CDKAL1: variants seen among roughly 807,000 people sequenced by gnomAD.
CDKAL1 encodes the protein threonylcarbamoyladenosine tRNA methylthiotransferase.
A neutral mutation model predicts 68.2 loss-of-function variants in CDKAL1; 32 were observed. That is an observed-to-expected ratio of 0.47 (90% CI 0.35 to 0.63). The LOEUF (loss-of-function observed/expected upper bound fraction) is 0.63, where lower values mean the gene tolerates loss of function less well. Ranked by LOEUF, CDKAL1 falls within the 30% of genes least tolerant of loss-of-function variation. CDKAL1 has a pLI of 0.00. For missense variants in CDKAL1, 606 were observed against 696.7 expected (o/e 0.87, Z 1.47); for synonymous variants, 234 against 244.3 (o/e 0.96, Z 0.39).
intron 5 of CDKAL1, among the ~76,000 whole-genome samples, chr6:20,725,575 A>G (rs1228772704): frequency 1.3e-5 from 2 of 152,022 alleles, no homozygotes; most frequent in East Asian, 1.9e-4. Context: ...ACCTGAGGTC[A>G]GGAGTTCAAG....
chr6:20,755,583 A>G (rs1156939449), intron 6 of CDKAL1, among the ~76,000 whole-genome samples: 1 of 152,100 alleles, frequency 6.6e-6, no homozygotes, highest in East Asian at 1.9e-4. Context: ...TTTTCTTTCT[A>G]GTCCATTCCA....
rs1463991684 is a variant in CDKAL1 at position 21,072,585 on chromosome 6, G to T, written c.1236+7357G>T. ...AAAAAAAAAAAAAAAAAAAAAGCCT[G>T]TTTTTGTCTTGTCTTTTATCTTCTA... On this transcript the variant is annotated intron_variant, in intron 12 of 15. Transcript: ENST00000274695. Among the ~76,000 whole-genome samples the T allele has an allele frequency of 1.0e-3, 109 of 109,328 alleles. 1 individual carries two copies. The highest frequency in any genetic ancestry group is 5.6e-3 in the Middle Eastern group (1 of 178). The allele number at this position is 109,328 out of a possible 152,430, so 71.7% of individuals were successfully genotyped here. A position where few individuals can be genotyped will look rare whatever the true frequency, so the allele number is the denominator to read the frequency against.
At chr6:20,817,095 T>G (rs755412839) in intron 8 of CDKAL1, among the ~76,000 whole-genome samples, 10 of 152,136 alleles carry the variant, frequency 6.6e-5, no homozygotes, top group Non-Finnish European at 1.2e-4. Context: ...ATTAAAACCA[T>G]GTTAAATACT....
intron 13 of CDKAL1, among the ~76,000 whole-genome samples, chr6:21,195,472 GTTT>G (rs199522083): frequency 2.9e-5 from 4 of 135,654 alleles, no homozygotes; most frequent in Non-Finnish European, 6.4e-5. Context: ...CTCTGGAGAT[GTTT>G]TTTTTATTTA....
rs147335153 is a variant in CDKAL1 at position 20,995,361 on chromosome 6, C to T, written c.910-4866C>T. ...GGCTTTTAATTTACTTTACCTAGAT[C>T]CACCAGAGGAATCACTATGGCAGTT... On this transcript the variant is annotated intron_variant, in intron 10 of 15. Transcript: ENST00000274695. Among the ~76,000 whole-genome samples, 1,271 of 152,268 alleles carry T rather than the reference C, an allele frequency of 8.3e-3. 6 individuals are homozygous for T. Among genetic ancestry groups the T allele is most frequent in the South Asian group, 0.012 (58 of 4,820 alleles).
chr6:21,081,300 A>G (rs1300762840), intron 12 of CDKAL1, among the ~76,000 whole-genome samples: 2 of 152,230 alleles, frequency 1.3e-5, no homozygotes, highest in Non-Finnish European at 2.9e-5. Flanking sequence ...ATATTAAATA[A>G]GGAGAATATA....
intron 4 of CDKAL1, among the ~76,000 whole-genome samples, chr6:20,559,826 A>C (rs1425760427): frequency 6.6e-6 from 1 of 152,222 alleles, no homozygotes; most frequent in African/African-American, 2.4e-5. Flanking sequence ...ATTGCTTAAT[A>C]ATTCACATCA....
intron 10 of CDKAL1, among the ~76,000 whole-genome samples, chr6:20,961,718 G>A (rs1215102942): frequency 1.1e-4 from 16 of 150,300 alleles, no homozygotes. Flanking sequence ...AGTGAGCTGA[G>A]ATCGCACCAC....
chr6:21,053,390 T>C (rs1770647969), intron 11 of CDKAL1, among the ~76,000 whole-genome samples: 1 of 152,242 alleles, frequency 6.6e-6, no homozygotes, highest in Admixed American at 6.5e-5. Flanking sequence ...TTTGGACTGT[T>C]ACCAGTTTGG....
chr6:20,577,996 A>G (rs2127685893), intron 4 of CDKAL1, among the ~76,000 whole-genome samples: 1 of 152,288 alleles, frequency 6.6e-6, no homozygotes, highest in Non-Finnish European at 1.5e-5. Context: ...AGGTGTAGTT[A>G]CAATAAAAAG....
At chr6:20,588,521 A>G (rs1329808217) in intron 4 of CDKAL1, among the ~76,000 whole-genome samples, 1 of 152,254 alleles carries the variant, frequency 6.6e-6, no homozygotes, top group African/African-American at 2.4e-5. Flanking sequence ...GCAGTCAAGA[A>G]TAAGGCATCT....
chr6:21,065,835 C>T (rs1165566645), intron 12 of CDKAL1, among the ~76,000 whole-genome samples: 1 of 151,804 alleles, frequency 6.6e-6, no homozygotes, highest in African/African-American at 2.4e-5. Flanking sequence ...AATTAAGGGT[C>T]TCAAAACAAA....
intron 8 of CDKAL1, among the ~76,000 whole-genome samples, chr6:20,829,943 G>A (rs759874437): frequency 6.6e-6 from 1 of 152,130 alleles, no homozygotes; most frequent in South Asian, 2.1e-4. Context: ...TGTAACCTCC[G>A]CCTCCTGGGT....
intron 9 of CDKAL1, among the ~76,000 whole-genome samples, chr6:20,879,634 G>A (rs1246849278): frequency 6.6e-6 from 1 of 152,174 alleles, no homozygotes; most frequent in Non-Finnish European, 1.5e-5. Context: ...TTTGTCACTT[G>A]ATATTGGCAA....
chr6:21,037,115 A>G (rs1350285230), intron 11 of CDKAL1, among the ~76,000 whole-genome samples: 1 of 152,140 alleles, frequency 6.6e-6, no homozygotes, highest in Non-Finnish European at 1.5e-5. Context: ...AAAATCTAAA[A>G]CGGAAACCCA....
Position 20,810,408 on chromosome 6 carries a change from A to ATGT in CDKAL1, c.638+29143_638+29144insTGT, listed in dbSNP as rs1561796333. ...CTCTCTCTGTCACACACACACACAC[A>ATGT]CACACACACACACACACACACACAC... On this transcript the variant is annotated intron_variant, in intron 8 of 15. Coordinates refer to ENST00000274695, the MANE Select transcript of CDKAL1 (RefSeq NM_017774.3). Among the ~76,000 whole-genome samples, 5 of 103,930 alleles carry ATGT rather than the reference A, an allele frequency of 4.8e-5. No individual in the cohort carries two copies. The East Asian group carries it at 9.0e-4, about 19-fold the overall frequency. 68.2% of individuals were successfully genotyped at this position (103,930 alleles called of 152,430 possible).
chr6:20,807,516 C>T (rs1581618472), intron 8 of CDKAL1, among the ~76,000 whole-genome samples: 2 of 152,170 alleles, frequency 1.3e-5, no homozygotes, highest in African/African-American at 4.8e-5. Context: ...CCACTGTACC[C>T]GGCCTGAAAT....
At position 20,720,338 on chromosome 6, in the gene CDKAL1, G is replaced by A. The variant is rs1213709509; in HGVS notation, c.372-19181G>A. On this transcript the variant is annotated intron_variant, in intron 5 of 15. Coordinates refer to ENST00000274695, the MANE Select transcript of CDKAL1 (RefSeq NM_017774.3). The stretch of plus-strand genomic sequence containing the variant: ...TTTAGTTACATGTGTGTAATGCATA[G>A]TAAACAAGTCAGAGTGTTTAGGGTG... Among the ~76,000 whole-genome samples the A allele has an allele frequency of 2.0e-5, 3 of 151,786 alleles. No homozygotes were observed. The East Asian group carries it at 5.8e-4, about 29-fold the overall frequency.
intron 13 of CDKAL1, among the ~76,000 whole-genome samples, chr6:21,170,542 C>G (rs190351604): frequency 6.6e-6 from 1 of 152,220 alleles, no homozygotes; most frequent in Admixed American, 6.5e-5. Flanking sequence ...CTTGGCCAGG[C>G]TGGTCTTGAA....
Sources: allele counts gnomAD v4.1 joint callset (sites outside exome capture counted in the v4.1 genomes callset), GRCh38; gene constraint gnomAD v4.1.1; transcripts MANE v1.5; gene names NCBI Gene and HGNC (gene_info 2026-07-23, HGNC 2026-07-21).